TMEM181: variants seen among roughly 807,000 people sequenced by gnomAD.
The protein encoded by TMEM181 is transmembrane protein 181.
A neutral mutation model predicts 71.9 loss-of-function variants in TMEM181; 39 were observed. That is an observed-to-expected ratio of 0.54 (90% CI 0.42 to 0.71). The LOEUF is 0.71. Among genes scored for constraint, TMEM181 ranks in the 30% least tolerant of loss-of-function variants. The pLI is 0.00. For synonymous variants in TMEM181, 245 were observed against 228.8 expected, an observed-to-expected ratio of 1.07 and a Z score of -0.64; for missense variants, 595 against 583.0, an observed-to-expected ratio of 1.02 and a Z score of -0.21.
upstream of TMEM181, chr6:158,559,993 C>A (rs979442916): frequency 6.3e-6 from 6 of 956,970 alleles, no homozygotes; most frequent in South Asian, 4.8e-5. Context: ...AGGGCCACCC[C>A]CCTCGCCGCG....
intron 1 of TMEM181, among the ~76,000 whole-genome samples, chr6:158,537,315 G>C (rs1298914772): frequency 6.6e-6 from 1 of 152,110 alleles, no homozygotes; most frequent in African/African-American, 2.4e-5. Context: ...CTTGGCCGCA[G>C]CTCTGAGCGC....
intron 6 of TMEM181, among the ~76,000 whole-genome samples, chr6:158,590,995 T>C (rs1039331354): frequency 6.6e-6 from 1 of 152,250 alleles, no homozygotes; most frequent in Non-Finnish European, 1.5e-5. Context: ...CTTAGCGTGA[T>C]GTCTCAAGGT....
At chr6:158,559,801 G>GC (rs760847683), upstream of TMEM181, among the ~76,000 whole-genome samples, 1 of 152,230 alleles carries the variant, frequency 6.6e-6, no homozygotes, top group Non-Finnish European at 1.5e-5. Context: ...GACTCCCGAG[G>GC]CCCATCCTTA....
intron 10 of TMEM181, among the ~76,000 whole-genome samples, chr6:158,618,573 G>C (rs1186858141): frequency 6.6e-6 from 1 of 152,174 alleles, no homozygotes; most frequent in Admixed American, 6.5e-5. Flanking sequence ...AGTTGATGCT[G>C]TTTCTTCCTA....
At chr6:158,614,035 C>A (rs1785474728) in intron 10 of TMEM181, among the ~76,000 whole-genome samples, 1 of 152,168 alleles carries the variant, frequency 6.6e-6, no homozygotes, top group Admixed American at 6.5e-5. Context: ...GATACTAGAA[C>A]CTTAGACATC....
intron 6 of TMEM181, among the ~76,000 whole-genome samples, chr6:158,597,600 A>G (rs1784449768): frequency 6.6e-6 from 1 of 152,036 alleles, no homozygotes; most frequent in Non-Finnish European, 1.5e-5. Context: ...TCCCAGCCTC[A>G]AGCGATCCTT....
At chr6:158,593,419 A>G (rs1158872627) in intron 6 of TMEM181, among the ~76,000 whole-genome samples, 1 of 152,158 alleles carries the variant, frequency 6.6e-6, no homozygotes, top group Non-Finnish European at 1.5e-5. Flanking sequence ...AATGTTTATT[A>G]TTTTTATTAC....
At chr6:158,557,920 C>G (rs973362948), upstream of TMEM181, among the ~76,000 whole-genome samples, 2 of 152,206 alleles carry the variant, frequency 1.3e-5, no homozygotes, top group African/African-American at 4.8e-5. Flanking sequence ...AGAGTTGTTC[C>G]TGGCACACAC....
At chr6:158,586,696 C>T (rs536267569) in intron 5 of TMEM181, among the ~76,000 whole-genome samples, 200 of 152,262 alleles carry the variant, frequency 1.3e-3, no homozygotes, top group African/African-American at 4.7e-3. Flanking sequence ...GCCTGTAATC[C>T]CAGCACTTTG....
chr6:158,610,427 CT>C, intron 10 of TMEM181: 2 of 284,644 alleles, frequency 7.0e-6, no homozygotes, highest in Non-Finnish European at 1.4e-5. Context: ...GTAAATTCTT[CT>C]GAACTTAGTC....
At chr6:158,559,047 G>A (rs1440419851), upstream of TMEM181, among the ~76,000 whole-genome samples, 1 of 152,132 alleles carries the variant, frequency 6.6e-6, no homozygotes, top group Non-Finnish European at 1.5e-5. Flanking sequence ...GCACTAATGA[G>A]ATTTTGTGTA....
At chr6:158,544,663 C>T (rs1781467522) in intron 1 of TMEM181, among the ~76,000 whole-genome samples, 1 of 152,176 alleles carries the variant, frequency 6.6e-6, no homozygotes, top group Non-Finnish European at 1.5e-5. Flanking sequence ...TCCCGCCTTC[C>T]TTCCGGCTGG....
intron 1 of TMEM181, among the ~76,000 whole-genome samples, chr6:158,562,511 T>C (rs948266924): frequency 6.6e-6 from 1 of 151,962 alleles, no homozygotes; most frequent in East Asian, 1.9e-4. Flanking sequence ...TTAGTGTGTA[T>C]TTTATGTGTC....
chr6:158,632,372 T>C lies in TMEM181; in HGVS notation c.*484T>C. The C allele has an allele frequency of 5.9e-6, 1 of 168,752 alleles. No individual in the cohort carries two copies. Among genetic ancestry groups the C allele is most frequent in the Admixed American group, 5.7e-5 (1 of 17,602 alleles). 10.5% of individuals were successfully genotyped at this position (168,752 alleles called of 1,614,324 possible). ...GCTGCTTCAGGGCAGTCCTTCCTCG[T>C]TGAGTGGCCAGTGCCCTGGGTAACC... On this transcript the variant is annotated 3_prime_UTR_variant, in exon 17 of 17. Transcript: ENST00000684151.
intron 6 of TMEM181, among the ~76,000 whole-genome samples, chr6:158,598,742 C>T (rs1361246535): frequency 2.6e-5 from 4 of 151,206 alleles, no homozygotes; most frequent in Non-Finnish European, 4.4e-5. Context: ...GGCACAATCT[C>T]GGCTCACTGC....
intron 6 of TMEM181, among the ~76,000 whole-genome samples, chr6:158,596,010 C>T (rs1417111852): frequency 6.6e-6 from 1 of 152,162 alleles, no homozygotes; most frequent in Non-Finnish European, 1.5e-5. Flanking sequence ...CAAGCTCCGC[C>T]TCCTGGGTTC....
At chr6:158,586,837 C>T (rs1237996249) in intron 5 of TMEM181, among the ~76,000 whole-genome samples, 1 of 152,142 alleles carries the variant, frequency 6.6e-6, no homozygotes, top group Non-Finnish European at 1.5e-5. Context: ...CTTAGGAAAG[C>T]AGTAAAGATC....
intron 1 of TMEM181, chr6:158,537,010 G>T (rs1781138988): frequency 2.5e-6 from 1 of 400,718 alleles, no homozygotes; most frequent in Non-Finnish European, 3.5e-6. Flanking sequence ...ATGGGGACGG[G>T]GTCGGGGCGG....
chr6:158,599,789 G>A lies in TMEM181; in HGVS notation c.493-5478G>A, dbSNP rs547773166. 5.9e-5 allele frequency among the ~76,000 whole-genome samples: 9 copies of A among 152,246 alleles called. No individual in the cohort carries two copies. In the South Asian group the frequency reaches 1.7e-3, roughly 28 times the overall value. ...CAGGGCCCTACTCTCGGGGCTTCCT[G>A]CAGCTTGCTTGGGAAAACTCAGCCT... On this transcript the variant is annotated intron_variant, in intron 6 of 16. Coordinates refer to ENST00000684151, the MANE Select transcript of TMEM181 (RefSeq NM_001376852.1).
Sources: gnomAD v4.1 joint callset for allele counts (sites outside exome capture counted in the v4.1 genomes callset) on GRCh38, gnomAD v4.1.1 for gene constraint, MANE v1.5 for transcripts, NCBI Gene and HGNC (gene_info 2026-07-23, HGNC 2026-07-21) for gene names.